The following PUDP variants were observed in gnomAD, a reference collection of about 807,000 sequenced individuals.
PUDP encodes pseudouridine 5'-phosphatase.
In PUDP, 8 loss-of-function variants were observed where a neutral mutation model predicts 9.4. The ratio of observed to expected loss-of-function variants is 0.85; its 90% confidence interval spans 0.50 to 1.53. The LOEUF is 1.53. Ranked by LOEUF, PUDP falls within the 40% of genes most tolerant of loss-of-function variation. The pLI, the probability that PUDP is intolerant of heterozygous loss-of-function variation, is 0.00. For missense variants in PUDP, 188 were observed against 189.7 expected (o/e 0.99, Z 0.05); for synonymous variants, 99 against 80.7 (o/e 1.23, Z -1.22).
chrX:6,823,241 A>T (rs1313446817), intron 3 of PUDP, among the ~76,000 whole-genome samples: 1 of 111,564 alleles, frequency 9.0e-6, no homozygotes, highest in Non-Finnish European at 1.9e-5. Context: ...CTTTACCTCG[A>T]TAGATATATC....
intron 1 of PUDP, among the ~76,000 whole-genome samples, chrX:7,004,953 C>T (rs1445840654): frequency 1.8e-5 from 2 of 111,933 alleles, no homozygotes; most frequent in African/African-American, 3.3e-5. Flanking sequence ...CAGTATCTTC[C>T]CTAAAGTTCT....
intron 3 of PUDP, among the ~76,000 whole-genome samples, chrX:7,067,423 C>T (rs1022535921): frequency 2.7e-5 from 3 of 111,884 alleles, no homozygotes; most frequent in East Asian, 2.8e-4. Context: ...CAGATTCTGC[C>T]GCTGACTGTA....
intron 1 of PUDP, among the ~76,000 whole-genome samples, chrX:7,037,351 T>C (rs1423853642): frequency 8.9e-6 from 1 of 112,439 alleles, no homozygotes; most frequent in Non-Finnish European, 1.9e-5. Context: ...TGGGCAAAGA[T>C]GGCCAGGTAG....
At chrX:7,065,139 GC>G (rs953460458) in intron 3 of PUDP, among the ~76,000 whole-genome samples, 1 of 111,077 alleles carries the variant, frequency 9.0e-6, no homozygotes, top group Non-Finnish European at 1.9e-5. Flanking sequence ...TCCCACCTCA[GC>G]CCCCCTGCCC....
At chrX:6,784,676 C>A (rs186165817) in intron 3 of PUDP, among the ~76,000 whole-genome samples, 93 of 112,242 alleles carry the variant, frequency 8.3e-4, no homozygotes, top group African/African-American at 2.9e-3. Context: ...AACAATAATA[C>A]AGACTTGCTT....
At chrX:6,894,102 G>C (rs1392469206) in intron 3 of PUDP, among the ~76,000 whole-genome samples, 2 of 110,971 alleles carry the variant, frequency 1.8e-5, no homozygotes, top group Admixed American at 1.9e-4. Flanking sequence ...CTGTTGGAGT[G>C]GGGGATGGGA....
At chrX:7,073,411 G>A in intron 3 of PUDP, among the ~76,000 whole-genome samples, 1 of 111,983 alleles carries the variant, frequency 8.9e-6, no homozygotes, top group Middle Eastern at 4.7e-3. Flanking sequence ...TAATTAACCT[G>A]GTGACACCTA....
At chrX:6,706,421 T>C (rs1330878968) in exon 2 of PUDP, 1 of 111,849 alleles carries the variant, frequency 8.9e-6, no homozygotes, top group African/African-American at 3.3e-5. Context: ...TGAGCCACGA[T>C]TGTGCCACTG....
intron 3 of PUDP, among the ~76,000 whole-genome samples, chrX:6,814,081 G>C (rs1926188222): frequency 9.0e-6 from 1 of 110,621 alleles, no homozygotes; most frequent in Non-Finnish European, 1.9e-5. Flanking sequence ...CTCTCCTCTT[G>C]ATCCTGGGTT....
intron 3 of PUDP, among the ~76,000 whole-genome samples, chrX:6,751,986 CTATGTTT>C (rs1925096885): frequency 9.0e-6 from 1 of 110,963 alleles, no homozygotes; most frequent in Non-Finnish European, 1.9e-5. Context: ...GTGGGATAAT[CTATGTTT>C]CATCTCATCA....
At chrX:6,910,726 G>C (rs1273100573) in intron 3 of PUDP, among the ~76,000 whole-genome samples, 1 of 112,153 alleles carries the variant, frequency 8.9e-6, no homozygotes, top group South Asian at 3.7e-4. Context: ...TTAACCAGGC[G>C]TTGCTTGGGG....
chrX:6,845,679 CTTT>C (rs1255540972), intron 3 of PUDP, among the ~76,000 whole-genome samples: 1 of 112,319 alleles, frequency 8.9e-6, no homozygotes, highest in African/African-American at 3.2e-5. Context: ...CCTCTCTTTT[CTTT>C]ACACTCACTG....
chrX:6,789,780 G>GAC (rs1925708620), intron 3 of PUDP, among the ~76,000 whole-genome samples: 6 of 50,629 alleles, frequency 1.2e-4, no homozygotes, highest in Admixed American at 5.5e-4. Flanking sequence ...TAGGTAGATA[G>GAC]AGAGATAGAT....
intron 3 of PUDP, among the ~76,000 whole-genome samples, chrX:6,856,455 C>A (rs756535809): frequency 8.9e-6 from 1 of 112,175 alleles, no homozygotes; most frequent in Non-Finnish European, 1.9e-5. Flanking sequence ...AAAATGCCTA[C>A]AAATGCAATC....
At chrX:7,099,559 C>A (rs1238811069) in intron 2 of PUDP, among the ~76,000 whole-genome samples, 1 of 112,270 alleles carries the variant, frequency 8.9e-6, no homozygotes, top group Non-Finnish European at 1.9e-5. Context: ...GCCCACCCAC[C>A]TTTTCATAGA....
intron 1 of PUDP, among the ~76,000 whole-genome samples, chrX:7,136,988 G>A (rs922507678): frequency 1.8e-5 from 2 of 111,958 alleles, no homozygotes; most frequent in Admixed American, 9.5e-5. Flanking sequence ...CAGACAAAGC[G>A]TAGGCAACTG....
At chrX:6,727,284 C>T (rs1001723227) in intron 3 of PUDP, among the ~76,000 whole-genome samples, 1 of 111,069 alleles carries the variant, frequency 9.0e-6, no homozygotes, top group Admixed American at 9.6e-5. Flanking sequence ...GATAAATGGG[C>T]TATAATTATA....
chrX:6,930,026 T>C (rs1035885214), intron 3 of PUDP, among the ~76,000 whole-genome samples: 1 of 111,265 alleles, frequency 9.0e-6, no homozygotes, highest in African/African-American at 3.3e-5. Flanking sequence ...CCCAAGAGTA[T>C]AGAGGAGGTG....
chrX:6,809,588 C>A (rs1267894202), intron 3 of PUDP, among the ~76,000 whole-genome samples: 1 of 110,824 alleles, frequency 9.0e-6, no homozygotes, highest in Non-Finnish European at 1.9e-5. Flanking sequence ...TGAGCCACAG[C>A]ACCAAGCCCT....
Sources: allele counts gnomAD v4.1 joint callset (sites outside exome capture counted in the v4.1 genomes callset), GRCh38; gene constraint gnomAD v4.1.1; transcripts MANE v1.5; gene names NCBI Gene and HGNC (gene_info 2026-07-23, HGNC 2026-07-21).